Variants in GPM6B observed in about 807,000 individuals in gnomAD.
GPM6B encodes the protein glycoprotein M6B.
Under a neutral mutation model 27.2 loss-of-function variants are expected in GPM6B, and 4 were observed. That is an observed-to-expected ratio of 0.15 (90% confidence interval 0.07 to 0.34). GPM6B has a LOEUF of 0.34. Among genes scored for constraint, GPM6B ranks in the 10% least tolerant of loss-of-function variants. The pLI is 1.00. For synonymous variants in GPM6B, 124 were observed against 103.1 expected (o/e 1.20, Z -1.23); for missense variants, 183 against 261.9 (o/e 0.70, Z 2.08).
Position 13,771,970 on chromosome X carries a change from A to G in GPM6B, c.*911T>C, listed in dbSNP as rs2048307072. ...AAACTGTAAACTTCGTATCCAGACC[A>G]CTGAAAAATGGTTTAGAATGGTGGT... On this transcript the variant is annotated 3_prime_UTR_variant, in exon 8 of 8. Transcript: ENST00000316715. 1 of 112,541 alleles carries G rather than the reference A, an allele frequency of 8.9e-6. No homozygotes were observed. The highest frequency in any genetic ancestry group is 9.5e-5 in the Admixed American group (1 of 10,579). 9.3% of individuals were successfully genotyped at this position (112,541 alleles called of 1,213,427 possible).
At chrX:13,817,173 C>T (rs1007040304), upstream of GPM6B, 27 of 883,684 alleles carry the variant, frequency 3.1e-5, no homozygotes, top group Admixed American at 6.2e-5. Context: ...AACAGCCATT[C>T]GGCGCCCGGT....
At chrX:13,859,757 GGATTA>G (rs1395608049) in intron 1 of GPM6B, among the ~76,000 whole-genome samples, 2 of 111,104 alleles carry the variant, frequency 1.8e-5, no homozygotes, top group African/African-American at 6.6e-5. Context: ...GTTGTCATAG[GGATTA>G]GATGAGTTAA....
chrX:13,927,128 TAC>T (rs1921255085), intron 1 of GPM6B, among the ~76,000 whole-genome samples: 1 of 104,685 alleles, frequency 9.6e-6, no homozygotes, highest in African/African-American at 3.5e-5. Context: ...ACCAATAACC[TAC>T]ACAAAACTTT....
chrX:13,823,972 G>C (rs776307970), intron 1 of GPM6B, among the ~76,000 whole-genome samples: 1 of 112,528 alleles, frequency 8.9e-6, no homozygotes, highest in South Asian at 3.7e-4. Flanking sequence ...GCATGAGGGG[G>C]CATGTGCCTC....
chrX:13,897,849 T>TA (rs1249955819), intron 1 of GPM6B, among the ~76,000 whole-genome samples: 3 of 112,036 alleles, frequency 2.7e-5, no homozygotes, highest in African/African-American at 9.7e-5. Flanking sequence ...GGGACAGGCA[T>TA]TCCCATCCTT....
At chrX:13,931,924 A>G (rs1222360355) in intron 1 of GPM6B, among the ~76,000 whole-genome samples, 1 of 111,814 alleles carries the variant, frequency 8.9e-6, no homozygotes, top group African/African-American at 3.3e-5. Context: ...CTCAAATCTA[A>G]GTCACCACTG....
At chrX:13,778,117 T>C (rs1006432380) in intron 5 of GPM6B, among the ~76,000 whole-genome samples, 2 of 107,742 alleles carry the variant, frequency 1.9e-5, no homozygotes, top group Non-Finnish European at 3.8e-5. Flanking sequence ...TGCTGCAATA[T>C]TGGCTCACTG....
intron 1 of GPM6B, among the ~76,000 whole-genome samples, chrX:13,825,139 C>G (rs1203319001): frequency 9.0e-6 from 1 of 111,626 alleles, no homozygotes; most frequent in Non-Finnish European, 1.9e-5. Flanking sequence ...TACAAAGACC[C>G]TACTTCCAAA....
intron 1 of GPM6B, among the ~76,000 whole-genome samples, chrX:13,849,284 C>T (rs2049686202): frequency 8.9e-6 from 1 of 112,605 alleles, no homozygotes; most frequent in Non-Finnish European, 1.9e-5. Flanking sequence ...AGGCTGACGC[C>T]AAGAAGATAG....
upstream of GPM6B, among the ~76,000 whole-genome samples, chrX:13,817,991 C>T (rs942362456): frequency 3.6e-5 from 4 of 111,979 alleles, no homozygotes; most frequent in African/African-American, 1.3e-4. Context: ...CACTCCAAAT[C>T]GAAGGGGTGT....
chrX:13,843,553 T>A (rs191111145), intron 1 of GPM6B, among the ~76,000 whole-genome samples: 1 of 112,368 alleles, frequency 8.9e-6, no homozygotes, highest in East Asian at 2.8e-4. Context: ...CATTTTACGT[T>A]CCCACTAGTA....
intron 1 of GPM6B, among the ~76,000 whole-genome samples, chrX:13,844,255 A>G (rs778655368): frequency 2.3e-4 from 26 of 112,385 alleles, no homozygotes; most frequent in Non-Finnish European, 1.1e-4. Context: ...ATTGATCTAT[A>G]TGTCCATTCT....
intron 1 of GPM6B, among the ~76,000 whole-genome samples, chrX:13,929,420 TAAGAAA>T (rs1335820496): frequency 1.4e-5 from 1 of 72,621 alleles, no homozygotes; most frequent in Non-Finnish European, 2.8e-5. Context: ...TCTGATGATG[TAAGAAA>T]AAGATTAAAA....
intron 2 of GPM6B, among the ~76,000 whole-genome samples, chrX:13,805,725 T>TC (rs1033914768): frequency 9.9e-5 from 11 of 111,438 alleles, no homozygotes; most frequent in Admixed American, 5.7e-4. Context: ...TTTCTTTTAT[T>TC]CCCCCCCAAT....
chrX:13,843,607 T>C (rs1178907313), intron 1 of GPM6B, among the ~76,000 whole-genome samples: 1 of 112,473 alleles, frequency 8.9e-6, no homozygotes, highest in Non-Finnish European at 1.9e-5. Context: ...CCAACATGTA[T>C]TTACTGTCTT....
intron 7 of GPM6B, chrX:13,774,462 G>A (rs1602961585): frequency 1.0e-5 from 12 of 1,173,791 alleles, no homozygotes; most frequent in South Asian, 2.0e-5. Context: ...CAAAATTGCA[G>A]AAACCTAGAC....
At chrX:13,817,096 C>T (rs916416942), upstream of GPM6B, 18 of 991,452 alleles carry the variant, frequency 1.8e-5, no homozygotes, top group Non-Finnish European at 2.0e-5. Flanking sequence ...TTCGCTCTGC[C>T]TACTGGTCCA....
chrX:13,772,986 C>T lies in GPM6B; in HGVS notation c.882G>A (p.Lys294=), dbSNP rs781290375. 4.1e-6 allele frequency: 5 copies of T among 1,210,434 alleles called. No homozygotes were observed. The Admixed American group carries it at 8.7e-5, about 21-fold the overall frequency. ...GGTAAGCCTGCATTTTGCTCGCATC[C>T]TTTAAGTAAGCCCAGTTAGAAGACA... ...MILSSNWAYL[K]DASKMQAYQD... The change falls in exon 8 of 8, where the codon AAG becomes AAA. Residue 294 remains lysine, a synonymous_variant. Coordinates refer to ENST00000316715, the MANE Select transcript of GPM6B (RefSeq NM_001001995.3).
intron 1 of GPM6B, among the ~76,000 whole-genome samples, chrX:13,814,874 C>T (rs894601037): frequency 8.9e-6 from 1 of 112,249 alleles, no homozygotes; most frequent in African/African-American, 3.2e-5. Context: ...ATACATGTCA[C>T]ACTAGCTTCT....
Sources: gnomAD v4.1 joint callset for allele counts (sites outside exome capture counted in the v4.1 genomes callset) on GRCh38, gnomAD v4.1.1 for gene constraint, MANE v1.5 for transcripts, NCBI Gene and HGNC (gene_info 2026-07-23, HGNC 2026-07-21) for gene names.